KCNMB2: variants seen among roughly 807,000 people sequenced by gnomAD.
KCNMB2 encodes potassium calcium-activated channel subfamily M regulatory beta subunit 2, also known as calcium-activated potassium channel subunit beta-2.
A neutral mutation model predicts 24.5 loss-of-function variants in KCNMB2; 9 were observed. The ratio of observed to expected loss-of-function variants is 0.37; its 90% CI spans 0.22 to 0.64. The LOEUF (loss-of-function observed/expected upper bound fraction) is 0.64, where lower values mean the gene tolerates loss of function less well. Among genes scored for constraint, KCNMB2 ranks in the 30% least tolerant of loss-of-function variants. The pLI is 0.63. For synonymous variants in KCNMB2, 109 were observed against 104.4 expected (o/e 1.04, Z -0.27); for missense variants, 226 against 284.3 (o/e 0.79, Z 1.47).
chr3:178,741,026 C>A (rs1723478147), intron 1 of KCNMB2, among the ~76,000 whole-genome samples: 1 of 151,978 alleles, frequency 6.6e-6, no homozygotes. Flanking sequence ...CATGAAAGCC[C>A]AAAAGTAAGG....
chr3:178,800,835 C>A (rs1713746508), intron 1 of KCNMB2, among the ~76,000 whole-genome samples: 1 of 152,086 alleles, frequency 6.6e-6, no homozygotes. Context: ...CAATGAAGTA[C>A]TATTCAGCCA....
At position 178,578,675 on chromosome 3, in the gene KCNMB2, G is replaced by A. The variant is rs1717084859; in HGVS notation, c.-68+41964G>A. Among the ~76,000 whole-genome samples the A allele has an allele frequency of 2.6e-5, 4 of 152,266 alleles. No individual in the cohort carries two copies. The South Asian group carries it at 8.3e-4, about 31-fold the overall frequency. ...ACACAAAGGCTCAAAATAAAGAGATGGAGGAATATTTACTAACCAAATGGA... is the reference window on the plus strand; with the variant it reads ...ACACAAAGGCTCAAAATAAAGAGATAGAGGAATATTTACTAACCAAATGGA... On this transcript the variant is annotated intron_variant, in intron 1 of 4. Coordinates refer to ENST00000452583, the MANE Select transcript of KCNMB2 (RefSeq NM_181361.3).
At chr3:178,621,250 C>T (rs921596151) in intron 1 of KCNMB2, among the ~76,000 whole-genome samples, 4 of 152,008 alleles carry the variant, frequency 2.6e-5, no homozygotes, top group Non-Finnish European at 2.9e-5. Context: ...TTCTGCCTCT[C>T]CAACCAACCC....
chr3:178,599,388 G>C (rs1202151233), intron 1 of KCNMB2, among the ~76,000 whole-genome samples: 1 of 151,994 alleles, frequency 6.6e-6, no homozygotes, highest in Non-Finnish European at 1.5e-5. Context: ...GAATAGCTTG[G>C]AATTATATGG....
At chr3:178,836,371 C>G (rs1286197068) in intron 4 of KCNMB2, among the ~76,000 whole-genome samples, 1 of 152,072 alleles carries the variant, frequency 6.6e-6, no homozygotes, top group Non-Finnish European at 1.5e-5. Flanking sequence ...GATGAAATTG[C>G]TGGACCTTCA....
intron 1 of KCNMB2, among the ~76,000 whole-genome samples, chr3:178,759,922 C>A (rs1440087273): frequency 1.2e-4 from 1 of 8,028 alleles, no homozygotes; most frequent in Non-Finnish European, 2.0e-4. Flanking sequence ...ATATATATAT[C>A]CAAGAGGATA....
intron 1 of KCNMB2, among the ~76,000 whole-genome samples, chr3:178,571,694 C>T (rs1577019191): frequency 2.0e-5 from 3 of 151,630 alleles, no homozygotes; most frequent in African/African-American, 7.3e-5. Context: ...GCCCCCAAAC[C>T]CCTGACAGGC....
chr3:178,606,827 G>A (rs1718290977), intron 1 of KCNMB2, among the ~76,000 whole-genome samples: 1 of 152,062 alleles, frequency 6.6e-6, no homozygotes, highest in Admixed American at 6.6e-5. Flanking sequence ...CTTACAAATG[G>A]GATTTGAGCT....
intron 1 of KCNMB2, among the ~76,000 whole-genome samples, chr3:178,692,839 C>T (rs538142722): frequency 1.3e-5 from 2 of 152,224 alleles, no homozygotes; most frequent in African/African-American, 2.4e-5. Context: ...TTGCTTTGGG[C>T]ACTATGGCCA....
At chr3:178,702,464 A>G (rs1722135631) in intron 1 of KCNMB2, among the ~76,000 whole-genome samples, 1 of 151,356 alleles carries the variant, frequency 6.6e-6, no homozygotes, top group Admixed American at 6.6e-5. Context: ...ATAAAGAAAT[A>G]CATAAAAATA....
intron 1 of KCNMB2, among the ~76,000 whole-genome samples, chr3:178,731,394 T>A (rs1723145728): frequency 6.6e-6 from 1 of 152,178 alleles, no homozygotes; most frequent in Admixed American, 6.5e-5. Context: ...TTCCTGTGTA[T>A]TATACGATAG....
chr3:178,816,146 T>C (rs1023125329), intron 2 of KCNMB2, among the ~76,000 whole-genome samples: 9 of 151,950 alleles, frequency 5.9e-5, no homozygotes, highest in Admixed American at 5.2e-4. Flanking sequence ...TATTTTTAAT[T>C]GATGATTCAA....
chr3:178,823,137 A>G (rs1282468742), intron 2 of KCNMB2, among the ~76,000 whole-genome samples: 1 of 152,242 alleles, frequency 6.6e-6, no homozygotes, highest in African/African-American at 2.4e-5. Flanking sequence ...TTAAAATTTG[A>G]GTTCCTAAAG....
At chr3:178,606,821 C>A (rs1718290621) in intron 1 of KCNMB2, among the ~76,000 whole-genome samples, 1 of 152,144 alleles carries the variant, frequency 6.6e-6, no homozygotes, top group Non-Finnish European at 1.5e-5. Flanking sequence ...AGAGCCCTTA[C>A]AAATGGGATT....
At chr3:178,832,763 T>A (rs957283733) in intron 4 of KCNMB2, among the ~76,000 whole-genome samples, 1 of 81,590 alleles carries the variant, frequency 1.2e-5, no homozygotes, top group Non-Finnish European at 2.3e-5. Context: ...TTCTAGAATA[T>A]CCAACTGAGT....
intron 1 of KCNMB2, among the ~76,000 whole-genome samples, chr3:178,806,503 A>C (rs1577202824): frequency 6.6e-6 from 1 of 152,270 alleles, no homozygotes; most frequent in South Asian, 2.1e-4. Context: ...TGAAGGAATC[A>C]CCAGTCTTCC....
At chr3:178,566,423 C>T (rs928990636) in intron 1 of KCNMB2, among the ~76,000 whole-genome samples, 2 of 152,012 alleles carry the variant, frequency 1.3e-5, no homozygotes, top group African/African-American at 2.4e-5. Flanking sequence ...CACACGCACA[C>T]TTGCACATGT....
chr3:178,561,632 T>C (rs1056495439), intron 1 of KCNMB2, among the ~76,000 whole-genome samples: 5 of 152,208 alleles, frequency 3.3e-5, no homozygotes, highest in East Asian at 1.9e-4. Flanking sequence ...GTTAGCGTAG[T>C]TGGAAATGCT....
chr3:178,645,520 G>A (rs918020083), intron 1 of KCNMB2, among the ~76,000 whole-genome samples: 11 of 152,158 alleles, frequency 7.2e-5, no homozygotes, highest in Non-Finnish European at 1.3e-4. Context: ...TCAATGAAGG[G>A]GAAAATATCA....
Sources: gnomAD v4.1 joint callset for allele counts (sites outside exome capture counted in the v4.1 genomes callset) on GRCh38, gnomAD v4.1.1 for gene constraint, MANE v1.5 for transcripts, NCBI Gene and HGNC (gene_info 2026-07-23, HGNC 2026-07-21) for gene names.